The following KIF13B variants were observed in gnomAD, a reference collection of about 807,000 sequenced individuals.
KIF13B encodes the protein kinesin-like protein KIF13B.
Under a neutral mutation model 222.0 loss-of-function variants are expected in KIF13B, and 127 were observed. That is an observed-to-expected ratio of 0.57 (90% CI 0.50 to 0.66). The LOEUF (loss-of-function observed/expected upper bound fraction) is 0.66, where lower values mean the gene tolerates loss of function less well. KIF13B is among the 30% of genes least tolerant of loss of function. The probability of loss-of-function intolerance (pLI) is 0.00; values close to 1 mark genes in which losing one functional copy is unlikely to be tolerated. For missense variants in KIF13B, 2,173 were observed against 2,379.0 expected (o/e 0.91, Z 1.80); for synonymous variants, 976 against 919.0 (o/e 1.06, Z -1.12).
At chr8:29,116,599 T>C (rs1649896920) in intron 31 of KIF13B, among the ~76,000 whole-genome samples, 1 of 152,082 alleles carries the variant, frequency 6.6e-6, no homozygotes, top group African/African-American at 2.4e-5. Context: ...AGAATAACCA[T>C]AATTTGTGAA....
chr8:29,254,042 A>T (rs1816381282), intron 1 of KIF13B, among the ~76,000 whole-genome samples: 1 of 152,186 alleles, frequency 6.6e-6, no homozygotes. Flanking sequence ...ATACTGTCAC[A>T]GTTATGGTCA....
At chr8:29,146,718 C>G (rs528637245) in intron 17 of KIF13B, among the ~76,000 whole-genome samples, 178 bp from the exon 18 acceptor site, 161 of 152,314 alleles carry the variant, frequency 1.1e-3, no homozygotes, top group African/African-American at 3.8e-3. Flanking sequence ...TGAACCTCAA[C>G]TACACGATAA....
chr8:29,082,576 C>G (rs1807860698), intron 37 of KIF13B, among the ~76,000 whole-genome samples: 1 of 152,064 alleles, frequency 6.6e-6, no homozygotes, highest in South Asian at 2.1e-4. Context: ...GAGTTCGAAG[C>G]TGCAGTGAGC....
At position 29,194,128 on chromosome 8, in the gene KIF13B, A is replaced by G. The variant is rs373886838; in HGVS notation, c.162+2059T>C. Among the ~76,000 whole-genome samples, 10 of 151,544 alleles carry G rather than the reference A, an allele frequency of 6.6e-5. 1 individual carries two copies. Among genetic ancestry groups the G allele is most frequent in the African/African-American group, 2.4e-4 (10 of 41,348 alleles). ...CATGAGCCACCGCGCCCGGCCCTAA[A>G]TTTTTACTTTTATTGTTGTATTATT... is the stretch of plus-strand genomic sequence containing the variant. On this transcript the variant is annotated intron_variant, in intron 3 of 39. Coordinates refer to ENST00000524189, the MANE Select transcript of KIF13B (RefSeq NM_015254.4).
rs76467606 is a variant in KIF13B, at chr8:29,072,463, T to C, written c.4522-147A>G. ...TGCTTATGGAGGGCAAGACGGAAGA[T>C]CGCTTGAGCCCAGGAGTTCAAGAAC... On this transcript the variant is annotated intron_variant, in intron 38 of 39. Transcript: ENST00000524189. The C allele has an allele frequency of 2.5e-3, 1,130 of 453,488 alleles. 25 individuals carry two copies. The East Asian group carries it at 0.033, about 13-fold the overall frequency. 28.1% of individuals were successfully genotyped at this position (453,488 alleles called of 1,614,324 possible).
At chr8:29,108,092 T>C (rs762403889) in intron 35 of KIF13B, 47 bp downstream of exon 35, 2 of 1,493,966 alleles carry the variant, frequency 1.3e-6, no homozygotes, top group Non-Finnish European at 1.8e-6. Flanking sequence ...GAAAGCTGAA[T>C]GGGAAATGGG....
intron 2 of KIF13B, among the ~76,000 whole-genome samples, chr8:29,243,348 CA>C (rs777503766): frequency 0.1 from 11,378 of 110,496 alleles, 461 homozygotes; most frequent in Admixed American, 0.16. Context: ...GACCCAGTCT[CA>C]AAAAAAAAAA....
intron 6 of KIF13B, among the ~76,000 whole-genome samples, chr8:29,184,048 C>T (rs1812827287): frequency 6.6e-6 from 1 of 152,012 alleles, no homozygotes; most frequent in Admixed American, 6.6e-5. Flanking sequence ...CACTTATTAC[C>T]ATGTAACTGG....
intron 3 of KIF13B, among the ~76,000 whole-genome samples, chr8:29,194,326 ATTTC>A (rs571294807): frequency 5.0e-5 from 7 of 138,990 alleles, no homozygotes; most frequent in Non-Finnish European, 1.1e-4. Context: ...TCTTTTAGGG[ATTTC>A]TTTAACAGTG....
rs1563774047 is a variant in KIF13B, at chr8:29,191,040, A to G, written c.180T>C (p.His60=). 1.2e-6 allele frequency: 2 copies of G among 1,611,836 alleles called. No homozygotes were observed. Among genetic ancestry groups the G allele is most frequent in the Non-Finnish European group, 8.5e-7 (1 of 1,178,908 alleles). Residue 60 remains histidine, a synonymous_variant, in exon 4 of 40, where the codon CAT becomes CAC. Transcript: ENST00000524189. ...RGQPKVFAYD[H]CFWSMDESVK... ...CAGATTCATCCATAGACCAGAAACA[A>G]TGATCATAAGCAAACACCTGTTGAA...
chr8:29,185,240 A>C (rs994700640), intron 6 of KIF13B, among the ~76,000 whole-genome samples: 2 of 152,114 alleles, frequency 1.3e-5, no homozygotes, highest in Non-Finnish European at 2.9e-5. Context: ...CCAGTGGACC[A>C]ACTTCCCACT....
intron 12 of KIF13B, 39 bp from the exon 13 acceptor site, chr8:29,160,906 T>C (rs1811748626): frequency 1.3e-6 from 2 of 1,583,000 alleles, no homozygotes; most frequent in African/African-American, 1.3e-5. Context: ...TTCACAGCTA[T>C]TGAGGCAGTG....
At chr8:29,242,692 G>A (rs954839691) in intron 2 of KIF13B, among the ~76,000 whole-genome samples, 5 of 152,182 alleles carry the variant, frequency 3.3e-5, no homozygotes, top group Non-Finnish European at 5.9e-5. Flanking sequence ...AGAGTGCTCC[G>A]AGCAGTGGTG....
At chr8:29,137,647 T>C (rs1810626283) in intron 21 of KIF13B, among the ~76,000 whole-genome samples, 1 of 152,232 alleles carries the variant, frequency 6.6e-6, no homozygotes, top group Admixed American at 6.5e-5. Context: ...GTTCTATTTA[T>C]TGTCATATAG....
chr8:29,232,042 C>T (rs769115899), intron 2 of KIF13B, among the ~76,000 whole-genome samples: 13 of 152,108 alleles, frequency 8.5e-5, no homozygotes, highest in Non-Finnish European at 1.3e-4. Flanking sequence ...ATCACGTGAG[C>T]CCAGGAGTGT....
In KIF13B at chr8:29,180,228, G is replaced by A. The variant is rs765997188; in HGVS notation, c.596C>T (p.Ser199Leu). Residue 199 changes from serine to leucine, a missense_variant, in exon 8 of 40, where the codon TCG becomes TTG. By Grantham distance (145) the Ser-to-Leu change is moderately radical (BLOSUM62 -2). Around this residue, in one of 2 missense-constraint regions of KIF13B, gnomAD observed 1,480 missense variants for 1,722.8 expected, o/e 0.86. Coordinates refer to ENST00000524189, the MANE Select transcript of KIF13B (RefSeq NM_015254.4). The stretch of plus-strand genomic sequence containing the variant: ...AGATTTGTTACCCTCAGACATCAAC[G>A]ACTCAATATCCTAAGTGGAAACAAG... Reference protein sequence around the residue: ...LAVTSYKDIESLMSEGNKSRT... With the variant: ...LAVTSYKDIELLMSEGNKSRT... 6.2e-6 allele frequency: 10 copies of A among 1,613,754 alleles called. No homozygotes were observed. Among genetic ancestry groups the A allele is most frequent in the South Asian group, 3.3e-5 (3 of 91,064 alleles).
At chr8:29,095,496 GTGGC>G (rs1478489981) in intron 36 of KIF13B, among the ~76,000 whole-genome samples, 3 of 152,240 alleles carry the variant, frequency 2.0e-5, no homozygotes, top group African/African-American at 7.2e-5. Context: ...GCTGGGTGCG[GTGGC>G]TCACGCCTGT....
chr8:29,222,645 A>G (rs1814812324), intron 2 of KIF13B, among the ~76,000 whole-genome samples: 1 of 151,030 alleles, frequency 6.6e-6, no homozygotes, highest in Admixed American at 6.6e-5. Context: ...ATTTCCTGAA[A>G]GCAAATAATG....
intron 2 of KIF13B, among the ~76,000 whole-genome samples, chr8:29,196,686 A>T (rs1268259376): frequency 8.5e-5 from 13 of 152,104 alleles, no homozygotes. Flanking sequence ...AGAAACCACT[A>T]ATTTCTTGCC....
Sources: allele counts gnomAD v4.1 joint callset (sites outside exome capture counted in the v4.1 genomes callset), GRCh38; gene constraint gnomAD v4.1.1; regional missense constraint gnomAD v4.1.1; transcripts MANE v1.5; gene names NCBI Gene and HGNC (gene_info 2026-07-23, HGNC 2026-07-21).